Variants in TBL1XR1 observed in about 807,000 individuals in gnomAD.
TBL1XR1 encodes the protein F-box-like/WD repeat-containing protein TBL1XR1.
In TBL1XR1, 5 loss-of-function variants were observed where a neutral mutation model predicts 66.9. The ratio of observed to expected loss-of-function variants is 0.07; its 90% CI spans 0.04 to 0.16. The LOEUF is 0.16. Among genes scored for constraint, TBL1XR1 ranks in the 10% least tolerant of loss-of-function variants. The probability of loss-of-function intolerance (pLI) is 1.00; values close to 1 mark genes in which losing one functional copy is unlikely to be tolerated. For missense variants in TBL1XR1, 238 were observed against 623.2 expected, an observed-to-expected ratio of 0.38 and a Z score of 6.58; for synonymous variants, 210 against 206.0, an observed-to-expected ratio of 1.02 and a Z score of -0.17.
intron 2 of TBL1XR1, among the ~76,000 whole-genome samples, chr3:177,091,828 A>T (rs1722877284): frequency 1.3e-5 from 2 of 152,196 alleles, no homozygotes; most frequent in South Asian, 4.1e-4. Flanking sequence ...TTTCCTGTGC[A>T]ATCTGTGCCA....
intron 1 of TBL1XR1, among the ~76,000 whole-genome samples, chr3:177,143,356 G>A (rs1881977): frequency 0.84 from 126,854 of 151,646 alleles, 53,216 homozygotes; most frequent in East Asian, 0.94. Flanking sequence ...TACAGTGAAT[G>A]ACAAAAATCA....
At chr3:177,183,480 T>C (rs760660740) in intron 1 of TBL1XR1, among the ~76,000 whole-genome samples, 2 of 152,164 alleles carry the variant, frequency 1.3e-5, no homozygotes, top group South Asian at 2.1e-4. Flanking sequence ...CAGAGCAGTG[T>C]TGCCTGGAGA....
In TBL1XR1 at chr3:177,025,161, C is replaced by G; in HGVS notation, c.*337G>C. On this transcript the variant is annotated 3_prime_UTR_variant, in exon 16 of 16. Coordinates refer to ENST00000457928, the MANE Select transcript of TBL1XR1 (RefSeq NM_024665.7). ...ATTCAAAGGGGAGAAACAAGGCTGTCATTTAGTATCCAAAAACTGGTACAT... is the reference window on the plus strand; with the variant it reads ...ATTCAAAGGGGAGAAACAAGGCTGTGATTTAGTATCCAAAAACTGGTACAT... The G allele has an allele frequency of 3.9e-6, 1 of 258,672 alleles. No homozygotes were observed. Among genetic ancestry groups the G allele is most frequent in the Non-Finnish European group, 7.3e-6 (1 of 137,628 alleles). 16.0% of individuals were successfully genotyped at this position (258,672 alleles called of 1,614,324 possible). A position where few individuals can be genotyped will look rare whatever the true frequency, so the allele number is the denominator to read the frequency against.
chr3:177,049,811 TCTGA>T (rs1379040721), intron 7 of TBL1XR1, among the ~76,000 whole-genome samples, 182 bp downstream of exon 7: 5 of 152,182 alleles, frequency 3.3e-5, no homozygotes, highest in Admixed American at 6.5e-5. Context: ...TGAACCTTGG[TCTGA>T]CTAAGGCAAG....
At position 177,020,913 on chromosome 3, in the gene TBL1XR1, GAACTA is replaced by G. The variant is rs1712265403; in HGVS notation, c.*4580_*4584del. ...ACTGGGGACAAATCATTGTGATGTG[GAACTA>G]AAATACGTCGTAAGTGTAATTAACA... On this transcript the variant is annotated 3_prime_UTR_variant, in exon 16 of 16. Coordinates refer to ENST00000457928, the MANE Select transcript of TBL1XR1 (RefSeq NM_024665.7). The G allele has an allele frequency of 1.3e-5, 2 of 152,156 alleles. No individual in the cohort carries two copies. Among genetic ancestry groups the G allele is most frequent in the Admixed American group, 1.3e-4 (2 of 15,270 alleles). The allele number at this position is 152,156 out of a possible 1,614,324, so 9.4% of individuals were successfully genotyped here. A position where few individuals can be genotyped will look rare whatever the true frequency, so the allele number is the denominator to read the frequency against.
intron 2 of TBL1XR1, among the ~76,000 whole-genome samples, chr3:177,095,466 C>T (rs533634217): frequency 6.6e-6 from 1 of 150,936 alleles, no homozygotes; most frequent in African/African-American, 2.4e-5. Context: ...AGGAAAGCAG[C>T]TATAAATCAT....
intron 10 of TBL1XR1, among the ~76,000 whole-genome samples, chr3:177,043,204 C>T (rs1177950371): frequency 6.6e-6 from 1 of 152,066 alleles, no homozygotes; most frequent in Non-Finnish European, 1.5e-5. Context: ...TCGTTTATAG[C>T]CTTACTTCCC....
At chr3:177,172,675 G>A (rs1220140143) in intron 1 of TBL1XR1, among the ~76,000 whole-genome samples, 3,092 of 125,326 alleles carry the variant, frequency 0.025, 138 homozygotes, top group African/African-American at 0.077. Context: ...AGGGAGGGGA[G>A]GGGAGGGGAG....
At chr3:177,140,110 G>C (rs1230374079) in intron 1 of TBL1XR1, among the ~76,000 whole-genome samples, 1 of 152,114 alleles carries the variant, frequency 6.6e-6, no homozygotes, top group African/African-American at 2.4e-5. Context: ...AGACCAGCCT[G>C]GCCAATATGA....
upstream of TBL1XR1, chr3:177,201,716 C>T (rs1577477251): frequency 6.6e-6 from 1 of 152,144 alleles, no homozygotes; most frequent in East Asian, 1.9e-4. Flanking sequence ...AGTGCTATAA[C>T]TCATTTTATA....
intron 10 of TBL1XR1, chr3:177,044,734 A>G (rs1008934111): frequency 6.6e-6 from 1 of 152,190 alleles, no homozygotes; most frequent in African/African-American, 2.4e-5. Flanking sequence ...ACTGAAGCTT[A>G]TTTATTCGTA....
intron 1 of TBL1XR1, among the ~76,000 whole-genome samples, chr3:177,172,159 G>A (rs566419379): frequency 1.3e-5 from 2 of 151,558 alleles, no homozygotes; most frequent in East Asian, 1.9e-4. Context: ...TACTTGGGAG[G>A]CTGAAGCAGG....
chr3:177,096,516 T>TAAG (rs757070874), intron 2 of TBL1XR1, among the ~76,000 whole-genome samples: 14 of 152,170 alleles, frequency 9.2e-5, no homozygotes, highest in Non-Finnish European at 1.3e-4. Context: ...TAGGCATTTG[T>TAAG]AAGAGATAGG....
At chr3:177,181,934 C>T (rs1734875298) in intron 1 of TBL1XR1, among the ~76,000 whole-genome samples, 1 of 151,760 alleles carries the variant, frequency 6.6e-6, no homozygotes, top group African/African-American at 2.4e-5. Context: ...GGTTTAACTG[C>T]TACGGTCAGG....
chr3:177,128,016 C>T (rs1018378424), intron 1 of TBL1XR1, among the ~76,000 whole-genome samples: 1 of 152,066 alleles, frequency 6.6e-6, no homozygotes, highest in Non-Finnish European at 1.5e-5. Flanking sequence ...GTCAGGAGTT[C>T]GAGACCAGCC....
chr3:177,190,132 TCA>T (rs1491487441), intron 1 of TBL1XR1, among the ~76,000 whole-genome samples: 16 of 18,014 alleles, frequency 8.9e-4, no homozygotes, highest in Admixed American at 1.1e-3. Context: ...AAACTCCATC[TCA>T]AAAAAAAAAA....
intron 15 of TBL1XR1, 130 bp downstream of exon 15, chr3:177,026,243 G>GAAAA: frequency 1.6e-6 from 1 of 615,130 alleles, no homozygotes; most frequent in South Asian, 2.4e-5. Flanking sequence ...ACAGCCTCAG[G>GAAAA]AAAAAAAAAA....
rs1265491150 is a variant in TBL1XR1, at chr3:177,197,304, CGGG to C, written c.-308_-306del. Reference sequence around the variant, plus strand: ...GGGATGGGCGCCGGGCGGGCGGGGGCGGGGAGCGCGGCGCGGGTCCCCAGGTGG... The same window carrying C: ...GGGATGGGCGCCGGGCGGGCGGGGGCGAGCGCGGCGCGGGTCCCCAGGTGG... On this transcript the variant is annotated 5_prime_UTR_variant, in exon 1 of 16. Transcript: ENST00000457928. The C allele has an allele frequency of 1.4e-5, 2 of 141,404 alleles. No homozygotes were observed. Among genetic ancestry groups the C allele is most frequent in the Admixed American group, 7.0e-5 (1 of 14,372 alleles). 8.8% of individuals were successfully genotyped at this position (141,404 alleles called of 1,614,324 possible).
At chr3:177,108,927 G>C (rs1394754851) in intron 1 of TBL1XR1, among the ~76,000 whole-genome samples, 1 of 152,108 alleles carries the variant, frequency 6.6e-6, no homozygotes, top group South Asian at 2.1e-4. Context: ...GCAGCGATGA[G>C]AAGAAATGTT....
Sources: allele counts gnomAD v4.1 joint callset (sites outside exome capture counted in the v4.1 genomes callset), GRCh38; gene constraint gnomAD v4.1.1; transcripts MANE v1.5; gene names NCBI Gene and HGNC (gene_info 2026-07-23, HGNC 2026-07-21).